DSCAML1: variants seen among roughly 807,000 people sequenced by gnomAD.
The protein encoded by DSCAML1 is DS cell adhesion molecule like 1.
DSCAML1 carries 38 observed loss-of-function variants against 200.5 expected under a neutral mutation model. That is an observed-to-expected ratio of 0.19 (90% CI 0.15 to 0.25). The LOEUF (loss-of-function observed/expected upper bound fraction) is 0.25, where lower values mean the gene tolerates loss of function less well. Among genes scored for constraint, DSCAML1 ranks in the 10% least tolerant of loss-of-function variants. DSCAML1 has a pLI of 1.00. For missense variants in DSCAML1, 2,223 were observed against 2,858.8 expected (o/e 0.78, Z 5.07); for synonymous variants, 1,215 against 1,165.0 (o/e 1.04, Z -0.87).
chr11:117,674,537 A>C (rs2053173146), intron 3 of DSCAML1, among the ~76,000 whole-genome samples: 1 of 152,138 alleles, frequency 6.6e-6, no homozygotes, highest in Non-Finnish European at 1.5e-5. Context: ...CCAGGTGCCA[A>C]GCCCTCTCAC....
chr11:117,475,288 T>A (rs892171678), intron 14 of DSCAML1, among the ~76,000 whole-genome samples: 1 of 152,024 alleles, frequency 6.6e-6, no homozygotes. Context: ...AGTCTGAGAG[T>A]AGTCTTCTCA....
chr11:117,581,437 C>T (rs1332271383), intron 3 of DSCAML1, among the ~76,000 whole-genome samples: 7 of 152,172 alleles, frequency 4.6e-5, no homozygotes, highest in African/African-American at 1.2e-4. Context: ...CAAACCCCTT[C>T]GTGTCCCTGT....
intron 15 of DSCAML1, 66 bp downstream of exon 15, chr11:117,471,803 G>GCAAGCTCATTGCCAGTGAACAGGAT: frequency 8.2e-7 from 1 of 1,226,134 alleles, no homozygotes; most frequent in Non-Finnish European, 1.1e-6. Flanking sequence ...GAACAGGATC[G>GCAAGCTCATTGCCAGTGAACAGGAT]CTGTAGGCCC....
chr11:117,442,273 T>C (rs981509832), intron 21 of DSCAML1, among the ~76,000 whole-genome samples: 21 of 151,148 alleles, frequency 1.4e-4, no homozygotes, highest in Non-Finnish European at 2.2e-4. Context: ...CATGTATTAG[T>C]GTGTATAGTG....
intron 3 of DSCAML1, among the ~76,000 whole-genome samples, chr11:117,627,901 C>G (rs2052088872): frequency 6.6e-6 from 1 of 152,020 alleles, no homozygotes; most frequent in African/African-American, 2.4e-5. Context: ...ATCCCTGGAG[C>G]TCTAATCAAG....
At chr11:117,803,618 C>T (rs1449530004) in intron 1 of DSCAML1, among the ~76,000 whole-genome samples, 2 of 146,264 alleles carry the variant, frequency 1.4e-5, no homozygotes, top group African/African-American at 2.6e-5. Context: ...TCTAAGCTTC[C>T]AGCCCTGCAA....
intron 3 of DSCAML1, among the ~76,000 whole-genome samples, chr11:117,557,953 C>T (rs2050589167): frequency 6.6e-6 from 1 of 152,000 alleles, no homozygotes; most frequent in South Asian, 2.1e-4. Flanking sequence ...TGGGTAAAGG[C>T]CAGGGACACT....
intron 14 of DSCAML1, among the ~76,000 whole-genome samples, chr11:117,477,198 GACACAC>G (rs60376380): frequency 1.5e-4 from 21 of 144,692 alleles, no homozygotes; most frequent in African/African-American, 3.3e-4. Flanking sequence ...GCTGTCCTTA[GACACAC>G]ACACACACAC....
intron 1 of DSCAML1, among the ~76,000 whole-genome samples, chr11:117,812,324 T>C (rs1416489518): frequency 6.6e-6 from 1 of 152,204 alleles, no homozygotes; most frequent in Non-Finnish European, 1.5e-5. Context: ...CAGCATGGCC[T>C]TTTAAAGCCT....
Position 117,780,560 on chromosome 11 carries a change from A to C in DSCAML1, c.297T>G (p.Asn99Lys). The change falls in exon 2 of 33, where the codon AAT becomes AAG. Residue 99 changes from asparagine to lysine, a missense_variant. Coordinates refer to ENST00000651296, the MANE Select transcript of DSCAML1 (RefSeq NM_020693.4). This position sits in a 1 kb window ranked among gnomAD's most constrained non-coding sequence, Gnocchi z 4.8. Reference sequence around the variant, plus strand: ...CGTTCTCCGCGGTGCAGAAGTAGTCATTGTCGTGGATAAAGCTATTGAAGG... The same window carrying C: ...CGTTCTCCGCGGTGCAGAAGTAGTCCTTGTCGTGGATAAAGCTATTGAAGG... The part of the protein sequence containing the change: ...PSAFNSFIHD[N>K]DYFCTAENAA... The C allele has an allele frequency of 1.3e-6, 2 of 1,547,862 alleles. No individual in the cohort carries two copies. Among genetic ancestry groups the C allele is most frequent in the Non-Finnish European group, 1.7e-6 (2 of 1,144,400 alleles).
chr11:117,443,991 C>A lies in DSCAML1; in HGVS notation c.3757G>T (p.Ala1253Ser). ...TSPEQLFYRI[A>S]HLNRGQQYLL... Reference sequence around the variant, plus strand: ...TACTGCTGACCGCGGTTTAGGTGGGCGATCCGGTAGAAGAGCTGCTCTGGA... The same window carrying A: ...TACTGCTGACCGCGGTTTAGGTGGGAGATCCGGTAGAAGAGCTGCTCTGGA... Residue 1253 changes from alanine to serine, a missense_variant, in exon 21 of 33, where the codon GCC (alanine) becomes TCC (serine). Physicochemically the swap from Ala to Ser is moderately conservative, Grantham distance 99 (BLOSUM62 1). Coordinates refer to ENST00000651296, the MANE Select transcript of DSCAML1 (RefSeq NM_020693.4). 6 of 1,613,850 alleles carry A rather than the reference C, an allele frequency of 3.7e-6. No homozygotes were observed. Among genetic ancestry groups the A allele is most frequent in the Non-Finnish European group, 2.5e-6 (3 of 1,179,946 alleles).
chr11:117,504,799 G>T lies in DSCAML1; in HGVS notation c.2182+125C>A. The T allele has an allele frequency of 7.5e-7, 1 of 1,330,238 alleles. No homozygotes were observed. The highest frequency in any genetic ancestry group is 9.8e-7 in the Non-Finnish European group (1 of 1,017,752). 82.4% of individuals were successfully genotyped at this position (1,330,238 alleles called of 1,614,324 possible). A position where few individuals can be genotyped will look rare whatever the true frequency, so the allele number is the denominator to read the frequency against. On this transcript the variant is annotated intron_variant, in intron 10 of 32. Transcript: ENST00000651296. The surrounding 1 kb of genome is among the most constrained non-coding windows in gnomAD (Gnocchi z 5.0). ...GGTGTAGCCTGGGGTCCACTGGGGT[G>T]CAGACCAGAGGACTCCCATCCAGGG...
At chr11:117,723,176 A>G (rs1192782352) in intron 3 of DSCAML1, among the ~76,000 whole-genome samples, 1 of 152,252 alleles carries the variant, frequency 6.6e-6, no homozygotes, top group Non-Finnish European at 1.5e-5. Flanking sequence ...TTTTTTAAAA[A>G]GTATTACTAC....
chr11:117,704,498 C>T (rs147578775), intron 3 of DSCAML1, among the ~76,000 whole-genome samples: 1 of 152,242 alleles, frequency 6.6e-6, no homozygotes, highest in East Asian at 1.9e-4. Flanking sequence ...TCTGGAAAAT[C>T]TTGTAGTTGA....
chr11:117,804,566 CT>C (rs747697564), intron 1 of DSCAML1, among the ~76,000 whole-genome samples: 1 of 152,232 alleles, frequency 6.6e-6, no homozygotes, highest in Non-Finnish European at 1.5e-5. Flanking sequence ...GGCTACGTAT[CT>C]TTTTTCTTTT....
At chr11:117,807,696 C>T (rs1335264256) in intron 1 of DSCAML1, among the ~76,000 whole-genome samples, 1 of 152,144 alleles carries the variant, frequency 6.6e-6, no homozygotes, top group Admixed American at 6.5e-5. Flanking sequence ...GTATGAGAAA[C>T]CTTTGGGCGG....
chr11:117,694,464 C>T (rs945285777), intron 3 of DSCAML1, among the ~76,000 whole-genome samples: 1 of 151,832 alleles, frequency 6.6e-6, no homozygotes, highest in Non-Finnish European at 1.5e-5. Flanking sequence ...CTGTTCTGTT[C>T]GTGTCTCAAA....
In DSCAML1 at chr11:117,772,174, G is replaced by A. The variant is rs145035535; in HGVS notation, c.511+4617C>T. ...CACTGTACCCCAGGCAGAAGAGATC[G>A]CTGAATTGAATGAGAGCTATGAAAA... On this transcript the variant is annotated intron_variant, in intron 3 of 32. Coordinates refer to ENST00000651296, the MANE Select transcript of DSCAML1 (RefSeq NM_020693.4). 3.2e-3 allele frequency among the ~76,000 whole-genome samples: 483 copies of A among 152,220 alleles called. 1 individual carries two copies. The highest frequency in any genetic ancestry group is 4.1e-3 in the Non-Finnish European group (281 of 68,024).
chr11:117,580,751 C>A (rs935268574), intron 3 of DSCAML1, among the ~76,000 whole-genome samples: 2 of 152,156 alleles, frequency 1.3e-5, no homozygotes, highest in Non-Finnish European at 2.9e-5. Context: ...GATAGCTCCC[C>A]TTCCTTCTAG....
Sources: allele counts gnomAD v4.1 joint callset (sites outside exome capture counted in the v4.1 genomes callset), GRCh38; gene constraint gnomAD v4.1.1; non-coding constraint Gnocchi (gnomAD v3.1); transcripts MANE v1.5; gene names NCBI Gene and HGNC (gene_info 2026-07-23, HGNC 2026-07-21).